LGALS3BP: variants seen among roughly 807,000 people sequenced by gnomAD.
LGALS3BP encodes the protein galectin 3 binding protein, also known as galectin-3-binding protein.
A neutral mutation model predicts 22.9 loss-of-function variants in LGALS3BP; 25 were observed. That is an observed-to-expected ratio of 1.09 (90% CI 0.80 to 1.53). The LOEUF is 1.53. Ranked by LOEUF, LGALS3BP falls within the 40% of genes most tolerant of loss-of-function variation. The pLI, the probability that LGALS3BP is intolerant of heterozygous loss-of-function variation, is 0.00. For synonymous variants in LGALS3BP, 335 were observed against 331.1 expected, an observed-to-expected ratio of 1.01 and a Z score of -0.13; for missense variants, 718 against 752.0, an observed-to-expected ratio of 0.95 and a Z score of 0.53.
At position 78,971,520 on chromosome 17, in the gene LGALS3BP, C is replaced by T. The variant is rs79098171; in HGVS notation, c.*56G>A. The T allele has an allele frequency of 8.2e-4, 1,260 of 1,528,582 alleles. 18 individuals carry two copies. In the East Asian group the frequency reaches 0.022, roughly 27 times the overall value. 94.7% of individuals were successfully genotyped at this position (1,528,582 alleles called of 1,614,324 possible). On this transcript the variant is annotated 3_prime_UTR_variant, in exon 6 of 6. Transcript: ENST00000262776. The surrounding 1 kb of genome is among the most constrained non-coding windows in gnomAD (Gnocchi z 5.6). ...GAGGAAGGAAGCCGAGGAGGGGAGCCTGCAGTGAGGGCGTCCTGGGGTTCT... is the reference window on the plus strand; with the variant it reads ...GAGGAAGGAAGCCGAGGAGGGGAGCTTGCAGTGAGGGCGTCCTGGGGTTCT...
chr17:78,977,110 C>G, intron 2 of LGALS3BP, 30 bp downstream of exon 2: 1 of 1,612,396 alleles, frequency 6.2e-7, no homozygotes. Context: ...CACACTTCTG[C>G]TTTTGGTATT....
chr17:78,975,866 C>A, intron 3 of LGALS3BP, 99 bp downstream of exon 3: 1 of 434,128 alleles, frequency 2.3e-6, no homozygotes, highest in Non-Finnish European at 3.6e-6. Context: ...ATTTGCATGT[C>A]TTTGAAACCT....
intron 4 of LGALS3BP, among the ~76,000 whole-genome samples, chr17:78,974,083 C>T (rs903306798): frequency 9.2e-5 from 14 of 152,278 alleles, no homozygotes; most frequent in Non-Finnish European, 1.9e-4. Flanking sequence ...GGCACAGGGG[C>T]TCCCTGGGAT....
chr17:78,972,756 C>T lies in LGALS3BP; in HGVS notation c.630-52G>A, dbSNP rs540799106. The T allele has an allele frequency of 4.8e-5, 73 of 1,508,396 alleles. No homozygotes were observed. The highest frequency in any genetic ancestry group is 1.8e-4 in the Admixed American group (8 of 44,014). The allele number at this position is 1,508,396 out of a possible 1,614,324, so 93.4% of individuals were successfully genotyped here. A position where few individuals can be genotyped will look rare whatever the true frequency, so the allele number is the denominator to read the frequency against. On this transcript the variant is annotated intron_variant, in intron 5 of 5. Coordinates refer to ENST00000262776, the MANE Select transcript of LGALS3BP (RefSeq NM_005567.4). This position sits in a 1 kb window ranked among gnomAD's most constrained non-coding sequence, Gnocchi z 5.1. Reference sequence around the variant, plus strand: ...CCGGCCCCACAGGACAGCAGGGGAGCCCTGGGCCCAACTGTCCAACACAGC... The same window carrying T: ...CCGGCCCCACAGGACAGCAGGGGAGTCCTGGGCCCAACTGTCCAACACAGC...
chr17:78,972,906 T>A lies in LGALS3BP; in HGVS notation c.629+64A>T, dbSNP rs1205428759. 6.5e-7 allele frequency: 1 copy of A among 1,547,792 alleles called. No homozygotes were observed. The highest frequency in any genetic ancestry group is 8.7e-7 in the Non-Finnish European group (1 of 1,145,958). On this transcript the variant is annotated intron_variant, in intron 5 of 5. Transcript: ENST00000262776. This position sits in a 1 kb window ranked among gnomAD's most constrained non-coding sequence, Gnocchi z 5.1. ...CAGGTGTGTGTGTGGGGGGCTGTGCTTTTGAAGAGGGGAGGAGGACAAAGC... is the reference window on the plus strand; with the variant it reads ...CAGGTGTGTGTGTGGGGGGCTGTGCATTTGAAGAGGGGAGGAGGACAAAGC...
chr17:78,971,268 G>A lies in LGALS3BP; in HGVS notation c.*308C>T. The A allele has an allele frequency of 2.7e-6, 1 of 368,358 alleles. No homozygotes were observed. The highest frequency in any genetic ancestry group is 5.0e-6 in the Non-Finnish European group (1 of 201,942). The allele number at this position is 368,358 out of a possible 1,614,324, so 22.8% of individuals were successfully genotyped here. On this transcript the variant is annotated 3_prime_UTR_variant, in exon 6 of 6. Coordinates refer to ENST00000262776, the MANE Select transcript of LGALS3BP (RefSeq NM_005567.4). This position sits in a 1 kb window ranked among gnomAD's most constrained non-coding sequence, Gnocchi z 5.6. ...TACAAACAAATGTAGGAACCTCAAT[G>A]TAATTTTAATGACCTCAGACCAGTG...
In LGALS3BP at chr17:78,972,466, A is replaced by T; in HGVS notation, c.868T>A (p.Leu290Met). The change falls in exon 6 of 6, where the codon TTG becomes ATG. Residue 290 changes from leucine to methionine, a missense_variant. Transcript: ENST00000262776. This position sits in a 1 kb window ranked among gnomAD's most constrained non-coding sequence, Gnocchi z 5.1. The stretch of plus-strand genomic sequence containing the variant: ...CTGGGCCAGGCCTCGGCCTGCGTCA[A>T]GGCCTCGAAGTTCCAGGCCAGGAAC... The part of the protein sequence containing the change: ...LQFLAWNFEA[L>M]TQAEAWPSVP... The T allele has an allele frequency of 1.9e-6, 3 of 1,613,362 alleles. No homozygotes were observed. The highest frequency in any genetic ancestry group is 2.5e-6 in the Non-Finnish European group (3 of 1,179,986).
Position 78,971,519 on chromosome 17 carries a change from C to G in LGALS3BP, c.*57G>C, listed in dbSNP as rs2070669472. Reference sequence around the variant, plus strand: ...AGAGGAAGGAAGCCGAGGAGGGGAGCCTGCAGTGAGGGCGTCCTGGGGTTC... The same window carrying G: ...AGAGGAAGGAAGCCGAGGAGGGGAGGCTGCAGTGAGGGCGTCCTGGGGTTC... On this transcript the variant is annotated 3_prime_UTR_variant, in exon 6 of 6. Transcript: ENST00000262776. This position sits in a 1 kb window ranked among gnomAD's most constrained non-coding sequence, Gnocchi z 5.6. The G allele has an allele frequency of 1.3e-6, 2 of 1,516,958 alleles. No homozygotes were observed. The highest frequency in any genetic ancestry group is 1.8e-6 in the Non-Finnish European group (2 of 1,115,246). The allele number at this position is 1,516,958 out of a possible 1,614,324, so 94.0% of individuals were successfully genotyped here. A position where few individuals can be genotyped will look rare whatever the true frequency, so the allele number is the denominator to read the frequency against.
rs2070686943 is a variant in LGALS3BP, at chr17:78,972,915, G to A, written c.629+55C>T. 6.4e-7 allele frequency: 1 copy of A among 1,558,228 alleles called. No homozygotes were observed. ...GTGTGGGGGGCTGTGCTTTTGAAGA[G>A]GGGAGGAGGACAAAGCCCCTGGCGG... On this transcript the variant is annotated intron_variant, in intron 5 of 5. Coordinates refer to ENST00000262776, the MANE Select transcript of LGALS3BP (RefSeq NM_005567.4). The surrounding 1 kb of genome is among the most constrained non-coding windows in gnomAD (Gnocchi z 5.1).
intron 4 of LGALS3BP, 182 bp downstream of exon 4, chr17:78,974,506 T>C: frequency 1.6e-6 from 1 of 636,426 alleles, no homozygotes; most frequent in Non-Finnish European, 2.7e-6. Flanking sequence ...AGTCTGGGAC[T>C]GTGGGACTGG....
chr17:78,974,600 T>A, intron 4 of LGALS3BP, 88 bp downstream of exon 4: 1 of 1,456,374 alleles, frequency 6.9e-7, no homozygotes, highest in Non-Finnish European at 9.3e-7. Context: ...GTGCTTCATG[T>A]GCGTGGGGGG....
intron 2 of LGALS3BP, 119 bp downstream of exon 2, chr17:78,977,021 C>A: frequency 9.8e-7 from 1 of 1,018,814 alleles, no homozygotes; most frequent in Non-Finnish European, 1.5e-6. Context: ...GAGAGAAGAT[C>A]TGGCTAACCG....
At position 78,972,629 on chromosome 17, in the gene LGALS3BP, C is replaced by A; in HGVS notation, c.705G>T (p.Gly235=). The change falls in exon 6 of 6, where the codon GGG becomes GGT. Residue 235 remains glycine (G), a synonymous_variant. Transcript: ENST00000262776. The surrounding 1 kb of genome is among the most constrained non-coding windows in gnomAD (Gnocchi z 5.1). ...KCFHKLASAY[G]ARQLQGYCAS... Reference sequence around the variant, plus strand: ...CGCAGTAGCCCTGCAGCTGCCTGGCCCCATAGGCAGAGGCCAGCTTGTGGA... The same window carrying A: ...CGCAGTAGCCCTGCAGCTGCCTGGCACCATAGGCAGAGGCCAGCTTGTGGA... 6.4e-7 allele frequency: 1 copy of A among 1,553,590 alleles called. No homozygotes were observed. The highest frequency in any genetic ancestry group is 1.2e-5 in the South Asian group (1 of 81,658).
In LGALS3BP at chr17:78,972,374, G is replaced by A. The variant is rs779629155; in HGVS notation, c.960C>T (p.Ala320=). 16 of 1,613,474 alleles carry A rather than the reference G, an allele frequency of 9.9e-6. No homozygotes were observed. The highest frequency in any genetic ancestry group is 1.3e-5 in the Non-Finnish European group (15 of 1,180,018). ...TCCAGGTGTCCACGGCCTTCAGTAG[G>A]GCCAGCTCGCTGGGCACCGCCAGGT... ...RSDLAVPSEL[A]LLKAVDTWSW... is the part of the protein sequence containing the mutation. The change falls in exon 6 of 6, where the codon GCC becomes GCT. Residue 320 remains alanine (A), a synonymous_variant. Transcript: ENST00000262776. The surrounding 1 kb of genome is among the most constrained non-coding windows in gnomAD (Gnocchi z 5.1).
In LGALS3BP at chr17:78,976,121, C is replaced by A. The variant is rs1048957154; in HGVS notation, c.88G>T (p.Gly30Cys). 7 of 1,594,954 alleles carry A rather than the reference C, an allele frequency of 4.4e-6. No individual in the cohort carries two copies. The highest frequency in any genetic ancestry group is 6.0e-6 in the Non-Finnish European group (7 of 1,171,658). ...TCCACGCGGCCCTGGTTGGTGGCGC[C>A]CCCATCGGCCAGCCGCATGTCACCA... ...NDGDMRLADG[G>C]ATNQGRVEIF... Residue 30 changes from glycine to cysteine, a missense_variant, in exon 3 of 6, where the codon GGC becomes TGC. Coordinates refer to ENST00000262776, the MANE Select transcript of LGALS3BP (RefSeq NM_005567.4). This position sits in a 1 kb window ranked among gnomAD's most constrained non-coding sequence, Gnocchi z 4.6.
At chr17:78,978,621 C>T (rs908653918) in intron 1 of LGALS3BP, among the ~76,000 whole-genome samples, 1 of 152,234 alleles carries the variant, frequency 6.6e-6, no homozygotes, top group South Asian at 2.1e-4. Flanking sequence ...CTGGTTTTAG[C>T]ACTGAAGTTT....
In LGALS3BP at chr17:78,974,909, GC is replaced by G. The variant is rs929461193; in HGVS notation, c.245-91del. The G allele has an allele frequency of 3.3e-6, 5 of 1,521,246 alleles. No homozygotes were observed. The African/African-American group carries it at 6.8e-5, about 21-fold the overall frequency. The allele number at this position is 1,521,246 out of a possible 1,614,324, so 94.2% of individuals were successfully genotyped here. A position where few individuals can be genotyped will look rare whatever the true frequency, so the allele number is the denominator to read the frequency against. On this transcript the variant is annotated intron_variant, in intron 3 of 5. Transcript: ENST00000262776. Reference sequence around the variant, plus strand: ...ACTCAGCCCTTTGTTCTCCGCCCCGGCCGTGTGGGTCCATCTGCTTACAGGT... The same window carrying G: ...ACTCAGCCCTTTGTTCTCCGCCCCGGCGTGTGGGTCCATCTGCTTACAGGT...
intron 4 of LGALS3BP, 56 bp downstream of exon 4, chr17:78,974,632 G>T: frequency 6.3e-7 from 1 of 1,577,788 alleles, no homozygotes; most frequent in South Asian, 1.1e-5. Flanking sequence ...AGGGGCAGGG[G>T]CCACGGGACC....
chr17:78,976,149 G>C lies in LGALS3BP; in HGVS notation c.60C>G (p.Asn20Lys), dbSNP rs11548454. 4.4e-6 allele frequency: 7 copies of C among 1,576,112 alleles called. No individual in the cohort carries two copies. The highest frequency in any genetic ancestry group is 6.0e-6 in the Non-Finnish European group (7 of 1,161,432). ...WLLVAGTQGV[N>K]DGDMRLADGG... Reference sequence around the variant, plus strand: ...CATCGGCCAGCCGCATGTCACCATCGTTCACGCCTGCAGGCAGAGACCAGC... The same window carrying C: ...CATCGGCCAGCCGCATGTCACCATCCTTCACGCCTGCAGGCAGAGACCAGC... The change falls in exon 3 of 6, where the codon AAC becomes AAG. Residue 20 changes from asparagine to lysine, a missense_variant. Physicochemically the swap from Asn to Lys is moderately conservative, Grantham distance 94. Transcript: ENST00000262776. The surrounding 1 kb of genome is among the most constrained non-coding windows in gnomAD (Gnocchi z 4.6).
Sources: allele counts gnomAD v4.1 joint callset (sites outside exome capture counted in the v4.1 genomes callset), GRCh38; gene constraint gnomAD v4.1.1; non-coding constraint Gnocchi (gnomAD v3.1); transcripts MANE v1.5; gene names NCBI Gene and HGNC (gene_info 2026-07-23, HGNC 2026-07-21).